The following KAZN variants were observed in gnomAD, a reference collection of about 807,000 sequenced individuals.
KAZN encodes kazrin, periplakin interacting protein, also known as kazrin.
Under a neutral mutation model 87.4 loss-of-function variants are expected in KAZN, and 40 were observed. That is an observed-to-expected ratio of 0.46 (90% CI 0.36 to 0.60). The LOEUF is 0.60. Among genes scored for constraint, KAZN ranks in the 20% least tolerant of loss-of-function variants. The pLI is 0.00. For missense variants in KAZN, 898 were observed against 1,073.9 expected, an observed-to-expected ratio of 0.84 and a Z score of 2.29; for synonymous variants, 466 against 458.3, an observed-to-expected ratio of 1.02 and a Z score of -0.22.
chr1:14,965,982 C>CT (rs71306999), intron 2 of KAZN, among the ~76,000 whole-genome samples: 59,435 of 129,128 alleles, frequency 0.46, 14,166 homozygotes, highest in Middle Eastern at 0.52. Context: ...CTTTCCTTTT[C>CT]TTTTTTTTTT....
chr1:14,219,314 G>C (rs965523194), intron 2 of KAZN, among the ~76,000 whole-genome samples: 1 of 151,924 alleles, frequency 6.6e-6, no homozygotes. Flanking sequence ...TTGTATAGAG[G>C]GTTTATGAGG....
At chr1:14,490,467 GT>G (rs144179790) in intron 2 of KAZN, among the ~76,000 whole-genome samples, 1 of 151,696 alleles carries the variant, frequency 6.6e-6, no homozygotes, top group African/African-American at 2.4e-5. Context: ...GCATTTGGTT[GT>G]TTTTTTTGTT....
At chr1:14,961,450 C>T (rs940644469) in intron 2 of KAZN, among the ~76,000 whole-genome samples, 7 of 152,244 alleles carry the variant, frequency 4.6e-5, no homozygotes, top group Middle Eastern at 3.4e-3. Flanking sequence ...ATGAGGAAAC[C>T]GCTGTCCACA....
chr1:14,019,427 G>T (rs1640723140), intron 1 of KAZN, among the ~76,000 whole-genome samples: 1 of 152,000 alleles, frequency 6.6e-6, no homozygotes, highest in African/African-American at 2.4e-5. Context: ...CATGGGCTGG[G>T]GTATTTATGG....
chr1:13,914,654 C>T (rs775270114), intron 1 of KAZN, among the ~76,000 whole-genome samples: 10 of 152,150 alleles, frequency 6.6e-5, no homozygotes, highest in South Asian at 2.1e-4. Context: ...TGAGAGGGCC[C>T]GGTGGCAAAA....
intron 2 of KAZN, among the ~76,000 whole-genome samples, chr1:14,191,526 C>T (rs1004262468): frequency 6.6e-6 from 1 of 152,052 alleles, no homozygotes; most frequent in Non-Finnish European, 1.5e-5. Flanking sequence ...GTCTAAGAGA[C>T]AGTCTTTTAT....
chr1:14,218,379 C>A (rs947726887), intron 2 of KAZN, among the ~76,000 whole-genome samples: 2 of 152,120 alleles, frequency 1.3e-5, no homozygotes, highest in African/African-American at 4.8e-5. Context: ...TCTCTAGGAC[C>A]CAGATTATGA....
chr1:14,675,321 A>G (rs10927495), intron 1 of KAZN, among the ~76,000 whole-genome samples: 71,604 of 152,142 alleles, frequency 0.47, 17,038 homozygotes, highest in South Asian at 0.58. Flanking sequence ...CGTCTGGGAT[A>G]CTCAGCATCA....
chr1:14,979,660 G>T (rs1426200178), intron 2 of KAZN, among the ~76,000 whole-genome samples: 1 of 152,052 alleles, frequency 6.6e-6, no homozygotes, highest in Non-Finnish European at 1.5e-5. Flanking sequence ...GGTAAGCTCA[G>T]GGGAAGGGGC....
At chr1:14,268,875 C>T (rs895405462) in intron 2 of KAZN, among the ~76,000 whole-genome samples, 4 of 152,184 alleles carry the variant, frequency 2.6e-5, no homozygotes, top group African/African-American at 9.7e-5. Flanking sequence ...AAAAAAGCAA[C>T]TTCCATCATT....
intron 2 of KAZN, among the ~76,000 whole-genome samples, chr1:14,413,304 C>CCT (rs1664455001): frequency 6.6e-6 from 1 of 151,716 alleles, no homozygotes; most frequent in African/African-American, 2.4e-5. Context: ...CTTTAAAATG[C>CCT]ATTTGGCCAG....
rs576992233 is a variant in KAZN at position 15,057,675 on chromosome 1, C to T, written c.916+1395C>T. ...TGGAAGAGCTTATAATAAAACTGCTCGGGGCCAGCATCCTCGTCAGGCAGG... is the reference window on the plus strand; with the variant it reads ...TGGAAGAGCTTATAATAAAACTGCTTGGGGCCAGCATCCTCGTCAGGCAGG... On this transcript the variant is annotated intron_variant, in intron 5 of 14. Transcript: ENST00000376030. 3.3e-5 allele frequency among the ~76,000 whole-genome samples: 5 copies of T among 152,282 alleles called. No homozygotes were observed. In the East Asian group the frequency reaches 5.8e-4, roughly 18 times the overall value.
intron 2 of KAZN, among the ~76,000 whole-genome samples, chr1:15,028,644 C>A (rs1278485894): frequency 6.6e-6 from 1 of 152,210 alleles, no homozygotes; most frequent in African/African-American, 2.4e-5. Context: ...GATGTCGCCT[C>A]CTTGTGTACA....
At chr1:14,277,917 A>T (rs1652511236) in intron 2 of KAZN, among the ~76,000 whole-genome samples, 1 of 152,080 alleles carries the variant, frequency 6.6e-6, no homozygotes, top group Admixed American at 6.6e-5. Context: ...GTTCTTTCAC[A>T]GGAAAACAGA....
chr1:14,652,856 T>C (rs929490656), intron 1 of KAZN, among the ~76,000 whole-genome samples: 1 of 151,466 alleles, frequency 6.6e-6, no homozygotes, highest in Non-Finnish European at 1.5e-5. Flanking sequence ...CCCGCCCCCA[T>C]GGCAATTGGG....
intron 1 of KAZN, among the ~76,000 whole-genome samples, chr1:14,157,386 T>C (rs536877929): frequency 3.7e-4 from 56 of 152,348 alleles, no homozygotes; most frequent in African/African-American, 1.3e-3. Context: ...TGAAGTACTC[T>C]CTTTAACATT....
chr1:14,486,751 C>T (rs548515375), intron 2 of KAZN, among the ~76,000 whole-genome samples: 13 of 152,242 alleles, frequency 8.5e-5, no homozygotes, highest in African/African-American at 2.4e-4. Flanking sequence ...AGGAGAATTC[C>T]GTTTCTTGTC....
intron 2 of KAZN, among the ~76,000 whole-genome samples, chr1:14,491,713 C>T (rs1669660374): frequency 6.6e-6 from 1 of 152,060 alleles, no homozygotes; most frequent in Non-Finnish European, 1.5e-5. Flanking sequence ...TTATCTAATA[C>T]ATTGTCAGTG....
chr1:14,602,321 T>C (rs752341080), intron 1 of KAZN, among the ~76,000 whole-genome samples: 8 of 152,226 alleles, frequency 5.3e-5, no homozygotes, highest in Non-Finnish European at 1.0e-4. Context: ...CCAGCCCATC[T>C]TGTCTCTCCC....
Sources: allele counts gnomAD v4.1 joint callset (sites outside exome capture counted in the v4.1 genomes callset), GRCh38; gene constraint gnomAD v4.1.1; transcripts MANE v1.5; gene names NCBI Gene and HGNC (gene_info 2026-07-23, HGNC 2026-07-21).